The following ZNF644 variants were observed in gnomAD, a reference collection of about 807,000 sequenced individuals.
ZNF644 encodes zinc finger motif enhancer binding protein 2.
In ZNF644, 20 loss-of-function variants were observed where a neutral mutation model predicts 108.0. That is an observed-to-expected ratio of 0.19 (90% CI 0.13 to 0.27). ZNF644 has a LOEUF of 0.27. ZNF644 is among the 10% of genes least tolerant of loss of function. ZNF644 has a pLI of 1.00. For missense variants in ZNF644, 1,338 were observed against 1,548.9 expected (o/e 0.86, Z 2.29); for synonymous variants, 542 against 539.1 (o/e 1.01, Z -0.08).
At chr1:90,996,055 C>A (rs1465683287) in intron 1 of ZNF644, among the ~76,000 whole-genome samples, 3 of 152,126 alleles carry the variant, frequency 2.0e-5, no homozygotes, top group Non-Finnish European at 4.4e-5. Flanking sequence ...TCCAAAGACA[C>A]ACAAAACATT....
chr1:91,017,369 T>C (rs868587835), intron 1 of ZNF644, among the ~76,000 whole-genome samples: 7 of 152,070 alleles, frequency 4.6e-5, no homozygotes, highest in Non-Finnish European at 8.8e-5. Flanking sequence ...ACAGAAGAGG[T>C]AGGGCCAAGA....
intron 4 of ZNF644, among the ~76,000 whole-genome samples, chr1:90,927,883 G>A (rs945628608): frequency 6.7e-6 from 1 of 150,058 alleles, no homozygotes; most frequent in African/African-American, 2.5e-5. Context: ...TTGCTCTGTT[G>A]CCCAGGCTGG....
intron 4 of ZNF644, among the ~76,000 whole-genome samples, chr1:90,932,530 CAT>C (rs2100882436): frequency 6.6e-6 from 1 of 152,194 alleles, no homozygotes; most frequent in East Asian, 1.9e-4. Context: ...GCCTGTTACT[CAT>C]ATGAATTAAT....
chr1:90,928,272 CCTCCTGAGTAG>C (rs1650289374), intron 4 of ZNF644, among the ~76,000 whole-genome samples: 1 of 151,880 alleles, frequency 6.6e-6, no homozygotes, highest in Non-Finnish European at 1.5e-5. Flanking sequence ...CCTGCCTCAG[CCTCCTGAGTAG>C]CTCAGATTAC....
chr1:90,975,148 T>C (rs745945713), intron 2 of ZNF644, among the ~76,000 whole-genome samples: 9 of 152,218 alleles, frequency 5.9e-5, no homozygotes, highest in Non-Finnish European at 1.3e-4. Flanking sequence ...TAAATGTCTA[T>C]GAGTAAAGTA....
intron 2 of ZNF644, among the ~76,000 whole-genome samples, chr1:90,961,259 T>C (rs1019470799): frequency 6.6e-6 from 1 of 152,140 alleles, no homozygotes; most frequent in Non-Finnish European, 1.5e-5. Flanking sequence ...CTTAGGTTTC[T>C]TGCACTGTCT....
chr1:90,934,505 T>C (rs576454485), intron 4 of ZNF644, among the ~76,000 whole-genome samples: 1 of 151,804 alleles, frequency 6.6e-6, no homozygotes, highest in South Asian at 2.1e-4. Context: ...GGAAATGAGA[T>C]TTGCTGAAGC....
chr1:91,005,872 A>T (rs1659371787), intron 1 of ZNF644, among the ~76,000 whole-genome samples: 1 of 151,952 alleles, frequency 6.6e-6, no homozygotes, highest in Non-Finnish European at 1.5e-5. Context: ...GACAAACTAA[A>T]CTCAAAGCAG....
At position 90,940,387 on chromosome 1, in the gene ZNF644, C is replaced by G. The variant is rs1474242834; in HGVS notation, c.967G>C (p.Val323Leu). 2.5e-6 allele frequency: 4 copies of G among 1,613,528 alleles called. No individual in the cohort carries two copies. The highest frequency in any genetic ancestry group is 3.4e-6 in the Non-Finnish European group (4 of 1,179,944). ...CVPNKSKMQE[V>L]DFLEQNEELQ... is the part of the protein sequence containing the mutation. ...TCTTCATTTTGTTCTAGAAAGTCTA[C>G]TTCTTGCATTTTTGATTTATTGGGT... Residue 323 changes from valine (V) to leucine (L), a missense_variant, in exon 3 of 6, where the codon GTA becomes CTA. Around this residue, in one of 6 missense-constraint regions of ZNF644, gnomAD observed 464 missense variants for 457.9 expected, o/e 1.01. Coordinates refer to ENST00000337393, the MANE Select transcript of ZNF644 (RefSeq NM_201269.3).
chr1:90,947,277 T>G (rs1339415523), intron 2 of ZNF644, among the ~76,000 whole-genome samples: 1 of 152,162 alleles, frequency 6.6e-6, no homozygotes, highest in African/African-American at 2.4e-5. Flanking sequence ...GAATAAGTGA[T>G]GGTCTCAGCT....
chr1:90,926,310 G>A (rs770437612), intron 4 of ZNF644, among the ~76,000 whole-genome samples: 1 of 152,146 alleles, frequency 6.6e-6, no homozygotes, highest in Non-Finnish European at 1.5e-5. Flanking sequence ...AACATGGAGT[G>A]TGCACACTAA....
At chr1:91,006,030 A>G (rs1350183595) in intron 1 of ZNF644, among the ~76,000 whole-genome samples, 1 of 152,146 alleles carries the variant, frequency 6.6e-6, no homozygotes, top group Non-Finnish European at 1.5e-5. Flanking sequence ...GATTTAGATC[A>G]CTACAGTGAG....
At chr1:90,997,979 G>C (rs1477889812) in intron 1 of ZNF644, among the ~76,000 whole-genome samples, 1 of 152,004 alleles carries the variant, frequency 6.6e-6, no homozygotes, top group Admixed American at 6.6e-5. Flanking sequence ...CGAACTGCAA[G>C]GCAGCAGCGA....
At chr1:91,005,525 T>G (rs1659330013) in intron 1 of ZNF644, among the ~76,000 whole-genome samples, 1 of 152,152 alleles carries the variant, frequency 6.6e-6, no homozygotes, top group African/African-American at 2.4e-5. Context: ...TACTAGGTGT[T>G]AGGCCATCAG....
intron 1 of ZNF644, among the ~76,000 whole-genome samples, chr1:90,994,078 G>T (rs1454442692): frequency 6.6e-6 from 1 of 152,088 alleles, no homozygotes; most frequent in Admixed American, 6.5e-5. Flanking sequence ...GGGACTAAAT[G>T]GGAGATGTAG....
chr1:90,977,946 G>C (rs1031874879), intron 2 of ZNF644, among the ~76,000 whole-genome samples: 1 of 152,138 alleles, frequency 6.6e-6, no homozygotes, highest in African/African-American at 2.4e-5. Context: ...GGTAACTTAT[G>C]GGGAGTATAG....
intron 2 of ZNF644, among the ~76,000 whole-genome samples, chr1:90,967,479 T>C (rs955356385): frequency 1.3e-5 from 2 of 152,130 alleles, no homozygotes; most frequent in Admixed American, 6.6e-5. Context: ...CATAAAAACC[T>C]TCCCTGTGAT....
chr1:90,987,116 T>A (rs1657179429), intron 1 of ZNF644, among the ~76,000 whole-genome samples: 1 of 142,302 alleles, frequency 7.0e-6, no homozygotes, highest in Non-Finnish European at 1.5e-5. Flanking sequence ...CTCAAGGAAC[T>A]AGAAAAAAGA....
intron 4 of ZNF644, among the ~76,000 whole-genome samples, chr1:90,925,441 C>T (rs553461333): frequency 6.6e-6 from 1 of 152,126 alleles, no homozygotes; most frequent in South Asian, 2.1e-4. Context: ...TGAACCTATG[C>T]TCCCAGGTGG....
Sources: gnomAD v4.1 joint callset for allele counts (sites outside exome capture counted in the v4.1 genomes callset) on GRCh38, gnomAD v4.1.1 for gene constraint, gnomAD v4.1.1 regional missense constraint, MANE v1.5 for transcripts, NCBI Gene and HGNC (gene_info 2026-07-23, HGNC 2026-07-21) for gene names.